The following AKT2 variants were observed in gnomAD, a reference collection of about 807,000 sequenced individuals.
AKT2 encodes the protein AKT serine/threonine kinase 2, also known as RAC-beta serine/threonine-protein kinase.
In AKT2, 16 loss-of-function variants were observed where a neutral mutation model predicts 58.6. That is an observed-to-expected ratio of 0.27 (90% CI 0.18 to 0.41). The LOEUF (loss-of-function observed/expected upper bound fraction) is 0.41, where lower values mean the gene tolerates loss of function less well. Among genes scored for constraint, AKT2 ranks in the 10% least tolerant of loss-of-function variants. The probability of loss-of-function intolerance (pLI) is 1.00; values close to 1 mark genes in which losing one functional copy is unlikely to be tolerated. For synonymous variants in AKT2, 253 were observed against 254.0 expected (o/e 1.00, Z 0.04); for missense variants, 438 against 661.0 (o/e 0.66, Z 3.70).
Position 40,272,829 on chromosome 19 carries a change from C to G in AKT2, c.-84-7478G>C, listed in dbSNP as rs75654965. 9.4e-3 allele frequency among the ~76,000 whole-genome samples: 1,428 copies of G among 152,256 alleles called. 25 individuals carry two copies. The highest frequency in any genetic ancestry group is 0.033 in the African/African-American group (1,368 of 41,544). On this transcript the variant is annotated intron_variant, in intron 1 of 13. Coordinates refer to ENST00000392038, the MANE Select transcript of AKT2 (RefSeq NM_001626.6). ...GCGGGAGGCAAGGCAGCCTCAGGAA[C>G]CAAATGCCAGCTTTTCAGCCCTGGC...
chr19:40,264,158 T>C (rs532664515), intron 2 of AKT2, among the ~76,000 whole-genome samples: 3 of 152,272 alleles, frequency 2.0e-5, no homozygotes, highest in South Asian at 2.1e-4. Flanking sequence ...ACGTGTTTGC[T>C]GAATGAATGC....
In AKT2 at chr19:40,276,345, CTTTTTTTTTTTTTTTTTT is replaced by C. The variant is rs748551877; in HGVS notation, c.-85+8818_-85+8835del. ...AGCTTCCGCATCTGTAAAATGGAATCTTTTTTTTTTTTTTTTTTTTTTTTTTTTTTTTTTTTTTTGAGA... is the reference window on the plus strand; with the variant it reads ...AGCTTCCGCATCTGTAAAATGGAATCTTTTTTTTTTTTTTTTTTTTTGAGA... On this transcript the variant is annotated intron_variant, in intron 1 of 13. Coordinates refer to ENST00000392038, the MANE Select transcript of AKT2 (RefSeq NM_001626.6). Among the ~76,000 whole-genome samples the C allele has an allele frequency of 3.0e-3, 173 of 58,514 alleles. 5 individuals carry two copies. The highest frequency in any genetic ancestry group is 8.8e-3 in the East Asian group (13 of 1,478). 38.4% of individuals were successfully genotyped at this position (58,514 alleles called of 152,430 possible).
At chr19:40,267,097 C>G (rs1976415834) in intron 1 of AKT2, among the ~76,000 whole-genome samples, 1 of 152,154 alleles carries the variant, frequency 6.6e-6, no homozygotes. Flanking sequence ...CCACCTCTTC[C>G]CCGAGTTCCT....
intron 6 of AKT2, chr19:40,241,547 T>TA (rs1329184144): frequency 2.2e-5 from 6 of 277,842 alleles, no homozygotes; most frequent in Non-Finnish European, 4.2e-5. Context: ...AATCTTCCAC[T>TA]ACAAAAAATT....
At chr19:40,240,872 A>G in intron 6 of AKT2, 1 of 156,150 alleles carries the variant, frequency 6.4e-6, no homozygotes, top group Non-Finnish European at 1.4e-5. Context: ...CTACAGCCTC[A>G]ACCTCTGAGG....
chr19:40,275,764 T>TGGGGGGGGGGGGGGGG (rs1004974778), intron 1 of AKT2, among the ~76,000 whole-genome samples: 2 of 4,742 alleles, frequency 4.2e-4, no homozygotes, highest in African/African-American at 6.9e-4. Context: ...TTTGGGAGGC[T>TGGGGGGGGGGGGGGGG]GGGGGGGGGG....
chr19:40,269,744 TACTCAGCA>T (rs1568565894), intron 1 of AKT2, among the ~76,000 whole-genome samples: 1 of 152,078 alleles, frequency 6.6e-6, no homozygotes, highest in Non-Finnish European at 1.5e-5. Context: ...AGTAGAACAC[TACTCAGCA>T]ACGAAAAGGA....
chr19:40,255,514 C>G (rs1231270987), intron 3 of AKT2, among the ~76,000 whole-genome samples: 1 of 152,114 alleles, frequency 6.6e-6, no homozygotes, highest in Non-Finnish European at 1.5e-5. Flanking sequence ...TGGGGACAAG[C>G]CTAGAGGTGT....
At position 40,235,543 on chromosome 19, in the gene AKT2, G is replaced by C; in HGVS notation, c.1176-193C>G. On this transcript the variant is annotated intron_variant, in intron 11 of 13. Transcript: ENST00000392038. The surrounding 1 kb of genome is among the most constrained non-coding windows in gnomAD (Gnocchi z 6.3). ...GTCAGAGCCAGGGAGTCAGCAACCCGGACCCACGTGTCCTCACTGCCTGGC... is the reference window on the plus strand; with the variant it reads ...GTCAGAGCCAGGGAGTCAGCAACCCCGACCCACGTGTCCTCACTGCCTGGC... 1 of 665,284 alleles carries C rather than the reference G, an allele frequency of 1.5e-6. No individual in the cohort carries two copies. The highest frequency in any genetic ancestry group is 2.7e-6 in the Non-Finnish European group (1 of 371,520). 41.2% of individuals were successfully genotyped at this position (665,284 alleles called of 1,614,324 possible).
chr19:40,279,289 G>A (rs2077380825), intron 1 of AKT2: 1 of 152,546 alleles, frequency 6.6e-6, no homozygotes, highest in African/African-American at 2.4e-5. Flanking sequence ...CCTGCCCCAA[G>A]GGGGCCAGGC....
At chr19:40,285,156 C>A in intron 1 of AKT2, 25 bp downstream of exon 1, 1 of 393,284 alleles carries the variant, frequency 2.5e-6, no homozygotes, top group Non-Finnish European at 4.5e-6. Context: ...GGGGGGCGTT[C>A]GGGGACACGC....
At chr19:40,245,213 C>T (rs1974670917) in intron 4 of AKT2, among the ~76,000 whole-genome samples, 2 of 152,116 alleles carry the variant, frequency 1.3e-5, no homozygotes. Flanking sequence ...TGTATGCTGA[C>T]TTGGGATGAT....
At chr19:40,269,605 G>A (rs1239915476) in intron 1 of AKT2, 1 of 152,144 alleles carries the variant, frequency 6.6e-6, no homozygotes, top group Non-Finnish European at 1.5e-5. Context: ...TTCGTCTCAA[G>A]GAAATTAGTG....
In AKT2 at chr19:40,257,003, C is replaced by T. The variant is rs2145306826; in HGVS notation, c.98G>A (p.Gly33Asp). 6.2e-7 allele frequency: 1 copy of T among 1,614,128 alleles called. No homozygotes were observed. Among genetic ancestry groups the T allele is most frequent in the Non-Finnish European group, 8.5e-7 (1 of 1,179,952 alleles). The change falls in exon 3 of 14, where the codon GGC becomes GAC. Residue 33 changes from glycine (G) to aspartate (D), a missense_variant. Around this residue, in one of 3 missense-constraint regions of AKT2, gnomAD observed 244 missense variants for 347.1 expected, o/e 0.70. Coordinates refer to ENST00000392038, the MANE Select transcript of AKT2 (RefSeq NM_001626.6). ...CCTCTCCTTGTACCCAATGAAGGAGCCGTCGCTCTTCAGCAGGAAGTACCG... is the reference window on the plus strand; with the variant it reads ...CCTCTCCTTGTACCCAATGAAGGAGTCGTCGCTCTTCAGCAGGAAGTACCG... ...RPRYFLLKSD[G>D]SFIGYKERPE...
At chr19:40,273,218 G>GT (rs1413559362) in intron 1 of AKT2, among the ~76,000 whole-genome samples, 1 of 151,924 alleles carries the variant, frequency 6.6e-6, no homozygotes, top group Non-Finnish European at 1.5e-5. Flanking sequence ...GCAGGCACCT[G>GT]TAATTCCAGC....
chr19:40,277,436 C>T lies in AKT2; in HGVS notation c.-85+7745G>A, dbSNP rs576666423. Among the ~76,000 whole-genome samples the T allele has an allele frequency of 3.9e-5, 6 of 152,278 alleles. No homozygotes were observed. In the South Asian group the frequency reaches 1.2e-3, roughly 32 times the overall value. On this transcript the variant is annotated intron_variant, in intron 1 of 13. Transcript: ENST00000392038. ...CAGAATATGGTCTGCTTTCTCCATCCCTGGCTGCCACCTGAATCCAGCCAG... is the reference window on the plus strand; with the variant it reads ...CAGAATATGGTCTGCTTTCTCCATCTCTGGCTGCCACCTGAATCCAGCCAG...
rs2145206841 is a variant in AKT2 at position 40,242,455 on chromosome 19, G to A, written c.441+79C>T. 1 of 1,595,338 alleles carries A rather than the reference G, an allele frequency of 6.3e-7. No homozygotes were observed. The highest frequency in any genetic ancestry group is 8.5e-7 in the Non-Finnish European group (1 of 1,170,114). ...AGCTGAGCCCCCTGAACTGTGTTAT[G>A]GAAACCAAGGAGAGCAGGCCAGCAC... is the stretch of plus-strand genomic sequence containing the variant. On this transcript the variant is annotated intron_variant, in intron 5 of 13. Coordinates refer to ENST00000392038, the MANE Select transcript of AKT2 (RefSeq NM_001626.6). The surrounding 1 kb of genome is among the most constrained non-coding windows in gnomAD (Gnocchi z 4.3).
rs1409596764 is a variant in AKT2, at chr19:40,242,060, C to T, written c.451G>A (p.Asp151Asn). The T allele has an allele frequency of 6.2e-7, 1 of 1,614,204 alleles. No individual in the cohort carries two copies. The highest frequency in any genetic ancestry group is 1.3e-5 in the African/African-American group (1 of 75,056). Reference protein sequence around the residue: ...SKARAKVTMNDFDYLKLLGKG... With the variant: ...SKARAKVTMNNFDYLKLLGKG... ...CCAAGGAGTTTGAGATAGTCGAAGTCATTCATGGTCTGCCAGGGACAGGGA... is the reference window on the plus strand; with the variant it reads ...CCAAGGAGTTTGAGATAGTCGAAGTTATTCATGGTCTGCCAGGGACAGGGA... The change falls in exon 6 of 14, where the codon GAC becomes AAC. Residue 151 changes from aspartate (D) to asparagine (N), a missense_variant. Physicochemically the swap from Asp to Asn is conservative, Grantham distance 23. This residue lies in a region of AKT2 where 244 missense variants were observed against 347.1 expected (regional missense o/e 0.70). Coordinates refer to ENST00000392038, the MANE Select transcript of AKT2 (RefSeq NM_001626.6). The surrounding 1 kb of genome is among the most constrained non-coding windows in gnomAD (Gnocchi z 4.3).
chr19:40,266,201 C>T (rs1367767882), intron 1 of AKT2: 1 of 152,374 alleles, frequency 6.6e-6, no homozygotes, highest in East Asian at 1.9e-4. Flanking sequence ...CAGCTGGGCC[C>T]CTACCTGGAG....
Sources: allele counts gnomAD v4.1 joint callset (sites outside exome capture counted in the v4.1 genomes callset), GRCh38; gene constraint gnomAD v4.1.1; regional missense constraint gnomAD v4.1.1; non-coding constraint Gnocchi (gnomAD v3.1); transcripts MANE v1.5; gene names NCBI Gene and HGNC (gene_info 2026-07-23, HGNC 2026-07-21).